Variants in MFF observed in about 807,000 individuals in gnomAD.
MFF encodes the protein chromosome 2 open reading frame 33.
A neutral mutation model predicts 36.9 loss-of-function variants in MFF; 12 were observed. The ratio of observed to expected loss-of-function variants is 0.33; its 90% CI spans 0.21 to 0.53. MFF has a LOEUF of 0.53. MFF is among the 20% of genes least tolerant of loss of function. The pLI is 0.95. For missense variants in MFF, 348 were observed against 366.6 expected (o/e 0.95, Z 0.42); for synonymous variants, 99 against 126.2 (o/e 0.78, Z 1.44).
rs560871978 is a variant in MFF, at chr2:227,357,319, G to A, written c.*202G>A. ...GTCACTCAGCTGTATTCACGTCTGA[G>A]CAGTTCTGCAGTAACACCTGCTTAA... On this transcript the variant is annotated 3_prime_UTR_variant, in exon 9 of 9. Coordinates refer to ENST00000304593, the MANE Select transcript of MFF (RefSeq NM_001277062.2). The A allele has an allele frequency of 8.1e-5, 36 of 444,510 alleles. 1 individual carries two copies. In the East Asian group the frequency reaches 1.2e-3, roughly 15 times the overall value. 27.5% of individuals were successfully genotyped at this position (444,510 alleles called of 1,614,324 possible).
chr2:227,349,905 A>G (rs1249597011), intron 6 of MFF, among the ~76,000 whole-genome samples: 1 of 152,126 alleles, frequency 6.6e-6, no homozygotes, highest in African/African-American at 2.4e-5. Context: ...GTCATATGCC[A>G]TCACATTAGG....
At chr2:227,340,789 C>CT (rs553500282) in intron 5 of MFF, among the ~76,000 whole-genome samples, 171 of 152,212 alleles carry the variant, frequency 1.1e-3, no homozygotes, top group Non-Finnish European at 1.9e-3. Flanking sequence ...GTTTAAAAGA[C>CT]TATTTGTTTA....
chr2:227,341,735 TTTAA>T (rs2075404193), intron 5 of MFF, among the ~76,000 whole-genome samples: 1 of 152,096 alleles, frequency 6.6e-6, no homozygotes, highest in Non-Finnish European at 1.5e-5. Flanking sequence ...ACTCAAGAGC[TTTAA>T]TTATTTTCTT....
intron 5 of MFF, chr2:227,346,387 C>A (rs971455166): frequency 7.2e-5 from 12 of 166,152 alleles, no homozygotes; most frequent in Non-Finnish European, 2.9e-5. Context: ...AATACTGACA[C>A]AGATCTTAAG....
chr2:227,339,864 A>C (rs973828122), intron 4 of MFF, among the ~76,000 whole-genome samples: 5 of 152,216 alleles, frequency 3.3e-5, no homozygotes, highest in Non-Finnish European at 7.3e-5. Flanking sequence ...ACCAAATCTT[A>C]ATTTGTTACA....
chr2:227,340,282 GC>G lies in MFF; in HGVS notation c.352-8del. On this transcript the variant is annotated splice_polypyrimidine_tract_variant and intron_variant, in intron 4 of 8. Coordinates refer to ENST00000304593, the MANE Select transcript of MFF (RefSeq NM_001277062.2). ...TTTCTATTTCCTTCCCTCTCTTTGT[GC>G]CTTAACAGATCCGAGCAGTTGGCAG... 6.4e-7 allele frequency: 1 copy of G among 1,563,544 alleles called. No individual in the cohort carries two copies. The highest frequency in any genetic ancestry group is 1.2e-5 in the South Asian group (1 of 85,840).
intron 1 of MFF, chr2:227,325,687 T>C (rs927848198): frequency 2.0e-5 from 3 of 152,182 alleles, no homozygotes; most frequent in Non-Finnish European, 4.4e-5. Flanking sequence ...CTCTTCACCT[T>C]GTGTGGTTCG....
At chr2:227,347,436 C>T in intron 6 of MFF, 52 bp downstream of exon 6, 2 of 1,524,482 alleles carry the variant, frequency 1.3e-6, no homozygotes, top group Non-Finnish European at 1.8e-6. Flanking sequence ...TTTTTGGCCT[C>T]TTGTTTAGTG....
At chr2:227,346,960 G>A (rs943600688) in intron 5 of MFF, 4 of 283,912 alleles carry the variant, frequency 1.4e-5, no homozygotes, top group Non-Finnish European at 2.0e-5. Context: ...ATTCATTGCT[G>A]TAGTTCTCTT....
intron 2 of MFF, 86 bp from the exon 3 acceptor site, chr2:227,330,540 C>A: frequency 1.2e-6 from 1 of 842,248 alleles, no homozygotes; most frequent in African/African-American, 2.2e-5. Flanking sequence ...TTCGCTCTTT[C>A]TATAAGGTAT....
rs1280002731 is a variant in MFF, at chr2:227,330,638, A to T, written c.-28A>T. On this transcript the variant is annotated 5_prime_UTR_variant, in exon 3 of 9. Transcript: ENST00000304593. ...TTTTCTCCCACAGGGTGAGCAGGGC[A>T]GCATTTCCTTCTCCCACTGCTGCTG... 4 of 1,613,660 alleles carry T rather than the reference A, an allele frequency of 2.5e-6. No homozygotes were observed.
chr2:227,342,001 G>A (rs1315268192), intron 5 of MFF, among the ~76,000 whole-genome samples: 1 of 152,044 alleles, frequency 6.6e-6, no homozygotes, highest in African/African-American at 2.4e-5. Flanking sequence ...TAGAGTAGAT[G>A]ATATAGATGT....
At chr2:227,356,859 A>T in intron 8 of MFF, 127 bp from the exon 9 acceptor site, 1 of 757,908 alleles carries the variant, frequency 1.3e-6, no homozygotes, top group Non-Finnish European at 2.1e-6. Context: ...GCTCCAAATG[A>T]AACTTTCCAT....
chr2:227,346,810 C>T (rs181516956), intron 5 of MFF: 2 of 153,724 alleles, frequency 1.3e-5, no homozygotes, highest in African/African-American at 4.8e-5. Context: ...ACTTTGACAT[C>T]TGTATGTGAG....
intron 4 of MFF, among the ~76,000 whole-genome samples, 153 bp from the exon 5 acceptor site, chr2:227,340,139 G>T (rs1344797270): frequency 6.6e-6 from 1 of 152,130 alleles, no homozygotes; most frequent in African/African-American, 2.4e-5. Context: ...AAGTCTGTCA[G>T]TAATACACTG....
chr2:227,325,622 G>C (rs1014977214), intron 1 of MFF, 195 bp downstream of exon 1: 1 of 152,336 alleles, frequency 6.6e-6, no homozygotes, highest in Non-Finnish European at 1.5e-5. Flanking sequence ...GGGACCTTGA[G>C]TCCCCGAGGA....
intron 6 of MFF, among the ~76,000 whole-genome samples, chr2:227,350,370 C>T (rs2075932698): frequency 6.6e-6 from 1 of 152,106 alleles, no homozygotes; most frequent in African/African-American, 2.4e-5. Flanking sequence ...CAAAAAGAAA[C>T]TTAGTTCCTG....
At chr2:227,352,697 G>C (rs940672886) in intron 7 of MFF, 124 bp downstream of exon 7, 2 of 771,764 alleles carry the variant, frequency 2.6e-6, no homozygotes, top group East Asian at 2.6e-5. Flanking sequence ...AGCTTTCCTC[G>C]ATGAGTACAT....
At chr2:227,335,340 A>G (rs559252549) in intron 4 of MFF, among the ~76,000 whole-genome samples, 3 of 152,256 alleles carry the variant, frequency 2.0e-5, no homozygotes, top group Non-Finnish European at 4.4e-5. Flanking sequence ...AGTGGTTGTC[A>G]GGGGGTTAGA....
Sources: allele counts gnomAD v4.1 joint callset (sites outside exome capture counted in the v4.1 genomes callset), GRCh38; gene constraint gnomAD v4.1.1; transcripts MANE v1.5; gene names NCBI Gene and HGNC (gene_info 2026-07-23, HGNC 2026-07-21).